Variants in TPCN1 observed in about 807,000 individuals in gnomAD.
TPCN1 encodes two pore channel protein 1.
A neutral mutation model predicts 108.8 loss-of-function variants in TPCN1; 52 were observed. The ratio of observed to expected loss-of-function variants is 0.48; its 90% CI spans 0.38 to 0.60. TPCN1 has a LOEUF of 0.60. TPCN1 is among the 20% of genes least tolerant of loss of function. The probability of loss-of-function intolerance (pLI) is 0.00; values close to 1 mark genes in which losing one functional copy is unlikely to be tolerated. For synonymous variants in TPCN1, 446 were observed against 433.7 expected, an observed-to-expected ratio of 1.03 and a Z score of -0.35; for missense variants, 806 against 1,072.8, an observed-to-expected ratio of 0.75 and a Z score of 3.47.
chr12:113,293,385 C>A (rs1956331412), intron 27 of TPCN1, 36 bp downstream of exon 27: 1 of 1,593,776 alleles, frequency 6.3e-7, no homozygotes, highest in Non-Finnish European at 8.6e-7. Context: ...GAATCCTCCC[C>A]CAAGCTATGT....
At chr12:113,281,197 C>T (rs544960753) in intron 15 of TPCN1, among the ~76,000 whole-genome samples, 3 of 152,062 alleles carry the variant, frequency 2.0e-5, no homozygotes, top group Non-Finnish European at 2.9e-5. Flanking sequence ...TGTGCCACCA[C>T]GCCCAGCTGT....
rs1400408512 is a variant in TPCN1 at position 113,293,201 on chromosome 12, CAACT to C, written c.2254-67_2254-64del. On this transcript the variant is annotated intron_variant, in intron 26 of 27. Coordinates refer to ENST00000335509, the MANE Select transcript of TPCN1 (RefSeq NM_017901.6). Reference sequence around the variant, plus strand: ...CAAAAGCCAGAGAAGTGGGAGACGCCAACTGTGGCACCAGGGGTGGGACCTGAAT... The same window carrying C: ...CAAAAGCCAGAGAAGTGGGAGACGCCGTGGCACCAGGGGTGGGACCTGAAT... 6.9e-6 allele frequency: 11 copies of C among 1,603,548 alleles called. No homozygotes were observed. In the African/African-American group the frequency reaches 8.0e-5, roughly 12 times the overall value.
chr12:113,230,515 G>T (rs1343609384), intron 2 of TPCN1, among the ~76,000 whole-genome samples: 1 of 151,946 alleles, frequency 6.6e-6, no homozygotes, highest in Admixed American at 6.6e-5. Context: ...GTGTCCCCAC[G>T]TGATTGTCCC....
Position 113,233,413 on chromosome 12 carries a change from G to C in TPCN1, c.112+6449G>C, listed in dbSNP as rs149815031. Among the ~76,000 whole-genome samples the C allele has an allele frequency of 5.0e-3, 766 of 152,364 alleles. 9 individuals carry two copies. The highest frequency in any genetic ancestry group is 0.017 in the African/African-American group (720 of 41,582). On this transcript the variant is annotated intron_variant, in intron 2 of 27. Coordinates refer to ENST00000335509, the MANE Select transcript of TPCN1 (RefSeq NM_017901.6). The stretch of plus-strand genomic sequence containing the variant: ...GAGGGCTTGGATGGCTCACAGCAGC[G>C]TGCCGCTGGGGGCATCAGGTTGCAG...
chr12:113,282,440 T>C (rs1453958794), intron 15 of TPCN1, among the ~76,000 whole-genome samples: 1 of 151,974 alleles, frequency 6.6e-6, no homozygotes, highest in Non-Finnish European at 1.5e-5. Flanking sequence ...TTTTGGGGGA[T>C]TGCTTTTGGC....
intron 1 of TPCN1, chr12:113,225,437 G>A (rs1315757622): frequency 9.8e-6 from 3 of 307,026 alleles, no homozygotes; most frequent in African/African-American, 4.5e-5. Flanking sequence ...TGGCCCTAAT[G>A]TCACTCTCCA....
intron 2 of TPCN1, among the ~76,000 whole-genome samples, chr12:113,251,162 A>G (rs1195594440): frequency 6.6e-6 from 1 of 152,000 alleles, no homozygotes; most frequent in Non-Finnish European, 1.5e-5. Flanking sequence ...TTAGCTGGGC[A>G]TGGTGGCACA....
At chr12:113,245,525 C>G (rs1248727692) in intron 2 of TPCN1, among the ~76,000 whole-genome samples, 39 of 138,618 alleles carry the variant, frequency 2.8e-4, no homozygotes, top group African/African-American at 2.8e-4. Flanking sequence ...GGCGTGAGCC[C>G]GGGAGGCGGA....
At chr12:113,277,624 C>G (rs1379934645) in intron 12 of TPCN1, among the ~76,000 whole-genome samples, 1 of 152,170 alleles carries the variant, frequency 6.6e-6, no homozygotes, top group Non-Finnish European at 1.5e-5. Flanking sequence ...AGCTGCTGGC[C>G]CTCGAACCCC....
chr12:113,237,387 T>C (rs1254465144), intron 2 of TPCN1, among the ~76,000 whole-genome samples: 1 of 152,028 alleles, frequency 6.6e-6, no homozygotes, highest in Admixed American at 6.6e-5. Context: ...GTTAGAGTCT[T>C]GCTCTGTTGC....
chr12:113,251,311 C>T (rs1566157132), intron 2 of TPCN1, among the ~76,000 whole-genome samples: 1 of 152,128 alleles, frequency 6.6e-6, no homozygotes, highest in East Asian at 1.9e-4. Context: ...AAATGGAGGC[C>T]AAGGGGAGAG....
intron 2 of TPCN1, among the ~76,000 whole-genome samples, chr12:113,255,749 C>T (rs1010153423): frequency 8.6e-5 from 13 of 151,306 alleles, no homozygotes; most frequent in Non-Finnish European, 1.6e-4. Flanking sequence ...AGGGTGGTCT[C>T]GAACTCCTAA....
In TPCN1 at chr12:113,284,534, A is replaced by G; in HGVS notation, c.1343-47A>G. ...CTTCAGCTGCGACCTGCAGATTTCT[A>G]AGCCCCCCTGTTATTTCTCTGTCTT... On this transcript the variant is annotated intron_variant, in intron 15 of 27. Transcript: ENST00000335509. The surrounding 1 kb of genome is among the most constrained non-coding windows in gnomAD (Gnocchi z 4.1). The G allele has an allele frequency of 6.2e-7, 1 of 1,609,238 alleles. No homozygotes were observed. Among genetic ancestry groups the G allele is most frequent in the Non-Finnish European group, 8.5e-7 (1 of 1,176,680 alleles).
chr12:113,292,919 C>G lies in TPCN1; in HGVS notation c.2114-15C>G, dbSNP rs752681513. 1 of 1,608,472 alleles carries G rather than the reference C, an allele frequency of 6.2e-7. No homozygotes were observed. The highest frequency in any genetic ancestry group is 1.3e-5 in the African/African-American group (1 of 74,964). ...AGCCCCGGGCCCTTCCCACACCTGCCTTCCATCCCTGCAGTTGATGGTGGC... is the reference window on the plus strand; with the variant it reads ...AGCCCCGGGCCCTTCCCACACCTGCGTTCCATCCCTGCAGTTGATGGTGGC... On this transcript the variant is annotated splice_polypyrimidine_tract_variant and intron_variant, in intron 25 of 27. Transcript: ENST00000335509.
chr12:113,228,459 T>G (rs1183946582), intron 2 of TPCN1, among the ~76,000 whole-genome samples: 1 of 151,894 alleles, frequency 6.6e-6, no homozygotes, highest in Admixed American at 6.6e-5. Flanking sequence ...ACAAAAAAAT[T>G]AAAAACTTAG....
At chr12:113,244,891 G>T (rs1034896255) in intron 2 of TPCN1, 5 of 438,060 alleles carry the variant, frequency 1.1e-5, no homozygotes, top group Non-Finnish European at 1.5e-5. Flanking sequence ...GGGTGTCCAG[G>T]GTTCTGTTTC....
rs775667804 is a variant in TPCN1, at chr12:113,291,033, G to A, written c.1959+35G>A. The A allele has an allele frequency of 1.6e-4, 261 of 1,607,756 alleles. 1 individual carries two copies. Among genetic ancestry groups the A allele is most frequent in the South Asian group, 4.5e-4 (41 of 90,968 alleles). ...CGGGCAGCTCTGGGGGTATCTTCCC[G>A]CCAGCCCTGGGGTCGGCCCTGGGTC... On this transcript the variant is annotated intron_variant, in intron 23 of 27. Transcript: ENST00000335509.
rs1344839655 is a variant in TPCN1, at chr12:113,272,858, G to C, written c.783+166G>C. Among the ~76,000 whole-genome samples, 1 of 152,144 alleles carries C rather than the reference G, an allele frequency of 6.6e-6. No individual in the cohort carries two copies. Among genetic ancestry groups the C allele is most frequent in the East Asian group, 1.9e-4 (1 of 5,186 alleles). On this transcript the variant is annotated intron_variant, in intron 8 of 27. Coordinates refer to ENST00000335509, the MANE Select transcript of TPCN1 (RefSeq NM_017901.6). The surrounding 1 kb of genome is among the most constrained non-coding windows in gnomAD (Gnocchi z 4.1). ...CTGGGAGTTCCCATCACTCAGACTT[G>C]ACCACTTTCTTCCTTGAGAGCTGGG...
chr12:113,264,274 G>C (rs1566170583), intron 3 of TPCN1, among the ~76,000 whole-genome samples: 1 of 152,206 alleles, frequency 6.6e-6, no homozygotes, highest in Non-Finnish European at 1.5e-5. Context: ...TGCTGGGTCT[G>C]TGGTTTGTCT....
Sources: allele counts gnomAD v4.1 joint callset (sites outside exome capture counted in the v4.1 genomes callset), GRCh38; gene constraint gnomAD v4.1.1; non-coding constraint Gnocchi (gnomAD v3.1); transcripts MANE v1.5; gene names NCBI Gene and HGNC (gene_info 2026-07-23, HGNC 2026-07-21).